Variants in SMIM5 observed in about 807,000 individuals in gnomAD.
SMIM5 encodes chromosome 17 open reading frame 109.
SMIM5 carries 4 observed loss-of-function variants against 4.0 expected under a neutral mutation model. The observed-to-expected ratio is 1.01, with a 90% confidence interval of 0.50 to 2.30. SMIM5 has a LOEUF of 2.30. SMIM5 is among the 30% of genes most tolerant of loss of function. SMIM5 has a pLI of 0.02. For synonymous variants in SMIM5, 46 were observed against 43.6 expected (o/e 1.05, Z -0.22); for missense variants, 107 against 99.2 (o/e 1.08, Z -0.34).
chr17:75,640,769 G>C lies in SMIM5; in HGVS notation c.128-22G>C. On this transcript the variant is annotated intron_variant, in intron 2 of 2. Transcript: ENST00000375215. The surrounding 1 kb of genome is among the most constrained non-coding windows in gnomAD (Gnocchi z 4.6). ...CTTTCTCTCCCCCAACCTGAGTCCC[G>C]TGCTCTCTCCCGGCCCTCCAGCTAC... The C allele has an allele frequency of 6.5e-7, 1 of 1,547,334 alleles. No homozygotes were observed. Among genetic ancestry groups the C allele is most frequent in the Non-Finnish European group, 8.7e-7 (1 of 1,144,882 alleles).
At chr17:75,639,554 C>T (rs932886686) in intron 1 of SMIM5, 1 of 152,428 alleles carries the variant, frequency 6.6e-6, no homozygotes, top group Non-Finnish European at 1.5e-5. Flanking sequence ...CTCCTGACCC[C>T]CTCCCAACAG....
At position 75,640,925 on chromosome 17, in the gene SMIM5, G is replaced by A. The variant is rs1449044720; in HGVS notation, c.*28G>A. 46 of 1,538,216 alleles carry A rather than the reference G, an allele frequency of 3.0e-5. No individual in the cohort carries two copies. The highest frequency in any genetic ancestry group is 3.9e-5 in the Admixed American group (2 of 50,952). On this transcript the variant is annotated 3_prime_UTR_variant, in exon 3 of 3. Coordinates refer to ENST00000375215, the MANE Select transcript of SMIM5 (RefSeq NM_001162995.3). This position sits in a 1 kb window ranked among gnomAD's most constrained non-coding sequence, Gnocchi z 4.6. ...GACGGGCGATGGCTGAGGAGAAGCT[G>A]GAGAGGAGATGGCCAATGCCATGAC...
intron 1 of SMIM5, chr17:75,635,724 G>T: frequency 1.1e-6 from 1 of 913,530 alleles, no homozygotes; most frequent in Non-Finnish European, 1.3e-6. Context: ...GCCCAACAGG[G>T]CAAGGGTGAC....
chr17:75,639,986 G>A, intron 1 of SMIM5, 180 bp from the exon 2 acceptor site: 1 of 597,362 alleles, frequency 1.7e-6, no homozygotes, highest in Non-Finnish European at 2.8e-6. Flanking sequence ...TCCACCCTGA[G>A]CTGTGTCAGC....
At chr17:75,638,562 C>A (rs930995816) in intron 1 of SMIM5, 25 of 152,344 alleles carry the variant, frequency 1.6e-4, no homozygotes, top group African/African-American at 6.0e-4. Flanking sequence ...ACACCGCAGA[C>A]ACCCTAGGAC....
At chr17:75,635,704 A>G in intron 1 of SMIM5, 2 of 802,782 alleles carry the variant, frequency 2.5e-6, no homozygotes, top group Non-Finnish European at 3.0e-6. Context: ...TGGACCTCAA[A>G]CGAGATAATG....
In SMIM5 at chr17:75,636,251, G is replaced by A. The variant is rs893390849; in HGVS notation, c.-37+2049G>A. On this transcript the variant is annotated intron_variant, in intron 1 of 2. Transcript: ENST00000375215. The surrounding 1 kb of genome is among the most constrained non-coding windows in gnomAD (Gnocchi z 5.4). ...GGCACTACTGAGCGTGGGGTTGGGAGGGACTCTGGTTGCCCTGGTTCGCAG... is the reference window on the plus strand; with the variant it reads ...GGCACTACTGAGCGTGGGGTTGGGAAGGACTCTGGTTGCCCTGGTTCGCAG... Among the ~76,000 whole-genome samples, 2 of 152,184 alleles carry A rather than the reference G, an allele frequency of 1.3e-5. No homozygotes were observed. The highest frequency in any genetic ancestry group is 2.9e-5 in the Non-Finnish European group (2 of 68,028).
chr17:75,639,270 C>T (rs2059386975), intron 1 of SMIM5: 1 of 152,456 alleles, frequency 6.6e-6, no homozygotes, highest in Non-Finnish European at 1.5e-5. Context: ...CCCACCACCA[C>T]CCCTGGATTA....
At chr17:75,635,262 AAG>A (rs1419849253) in intron 1 of SMIM5, among the ~76,000 whole-genome samples, 5 of 152,228 alleles carry the variant, frequency 3.3e-5, no homozygotes, top group African/African-American at 1.2e-4. Context: ...CACAGTAGGG[AAG>A]AGTCAGGCCA....
intron 1 of SMIM5, among the ~76,000 whole-genome samples, chr17:75,635,617 T>C (rs2059306642): frequency 6.6e-6 from 1 of 152,030 alleles, no homozygotes; most frequent in African/African-American, 2.4e-5. Context: ...GTGCCACAAA[T>C]AGGGGCATCC....
Position 75,640,339 on chromosome 17 carries a change from G to A in SMIM5, c.127+11G>A, listed in dbSNP as rs1220886053. 13 of 1,538,698 alleles carry A rather than the reference G, an allele frequency of 8.4e-6. No homozygotes were observed. The highest frequency in any genetic ancestry group is 1.1e-5 in the Non-Finnish European group (13 of 1,139,418). On this transcript the variant is annotated intron_variant, in intron 2 of 2. Transcript: ENST00000375215. The surrounding 1 kb of genome is among the most constrained non-coding windows in gnomAD (Gnocchi z 4.6). ...TCATCCTTTTCACAGGTTAGTTGGG[G>A]CACTCAGCACCCCATGGCTCTCCCT... is the stretch of plus-strand genomic sequence containing the variant.
At chr17:75,635,916 G>A in intron 1 of SMIM5, 1 of 960,636 alleles carries the variant, frequency 1.0e-6, no homozygotes. Context: ...GGACCAAGTG[G>A]CAGCTGTCTG....
Position 75,641,243 on chromosome 17 carries a change from A to G in SMIM5, c.*346A>G, listed in dbSNP as rs1416934736. 8.7e-6 allele frequency: 2 copies of G among 230,564 alleles called. No individual in the cohort carries two copies. The highest frequency in any genetic ancestry group is 1.8e-5 in the Non-Finnish European group (2 of 113,218). 14.3% of individuals were successfully genotyped at this position (230,564 alleles called of 1,614,324 possible). On this transcript the variant is annotated 3_prime_UTR_variant, in exon 3 of 3. Transcript: ENST00000375215. ...GGAGAACAGTCCCCACCTGTGGGCA[A>G]TTGGCCCTTGGGGCTCTGCTGATAC... is the stretch of plus-strand genomic sequence containing the variant.
At position 75,641,089 on chromosome 17, in the gene SMIM5, C is replaced by T; in HGVS notation, c.*192C>T. The T allele has an allele frequency of 9.9e-7, 1 of 1,007,260 alleles. No homozygotes were observed. The highest frequency in any genetic ancestry group is 1.4e-6 in the Non-Finnish European group (1 of 715,988). The allele number at this position is 1,007,260 out of a possible 1,614,324, so 62.4% of individuals were successfully genotyped here. A position where few individuals can be genotyped will look rare whatever the true frequency, so the allele number is the denominator to read the frequency against. On this transcript the variant is annotated 3_prime_UTR_variant, in exon 3 of 3. Transcript: ENST00000375215. The stretch of plus-strand genomic sequence containing the variant: ...AACAAGGGCTGGTATAGGTGCAAAC[C>T]TCTCATCTGCCAGTGGACACTGGGT...
At position 75,640,976 on chromosome 17, in the gene SMIM5, C is replaced by A; in HGVS notation, c.*79C>A. 1 of 1,511,208 alleles carries A rather than the reference C, an allele frequency of 6.6e-7. No individual in the cohort carries two copies. Among genetic ancestry groups the A allele is most frequent in the South Asian group, 1.2e-5 (1 of 81,842 alleles). 93.6% of individuals were successfully genotyped at this position (1,511,208 alleles called of 1,614,324 possible). A position where few individuals can be genotyped will look rare whatever the true frequency, so the allele number is the denominator to read the frequency against. On this transcript the variant is annotated 3_prime_UTR_variant, in exon 3 of 3. Transcript: ENST00000375215. This position sits in a 1 kb window ranked among gnomAD's most constrained non-coding sequence, Gnocchi z 4.6. ...ACAGGCCATCAGCCTGGCCCTGCAGCCCTTACCCCTCAAGACCAGGCTCCC... is the reference window on the plus strand; with the variant it reads ...ACAGGCCATCAGCCTGGCCCTGCAGACCTTACCCCTCAAGACCAGGCTCCC...
chr17:75,640,795 T>C lies in SMIM5; in HGVS notation c.132T>C (p.Thr44=). ...AFSVIILFTA[T]VLLLLLIACS... Reference sequence around the variant, plus strand: ...TGCTCTCTCCCGGCCCTCCAGCTACTGTTCTGCTGTTGCTGCTGATAGCCT... The same window carrying C: ...TGCTCTCTCCCGGCCCTCCAGCTACCGTTCTGCTGTTGCTGCTGATAGCCT... Residue 44 remains threonine, a synonymous_variant, in exon 3 of 3, where the codon ACT becomes ACC. Transcript: ENST00000375215. The surrounding 1 kb of genome is among the most constrained non-coding windows in gnomAD (Gnocchi z 4.6). 1.9e-6 allele frequency: 3 copies of C among 1,550,116 alleles called. No homozygotes were observed. Among genetic ancestry groups the C allele is most frequent in the Non-Finnish European group, 2.6e-6 (3 of 1,146,684 alleles).
At position 75,640,198 on chromosome 17, in the gene SMIM5, CG is replaced by C. The variant is rs1425789175; in HGVS notation, c.-2del. 6.5e-7 allele frequency: 1 copy of C among 1,545,704 alleles called. No individual in the cohort carries two copies. Among genetic ancestry groups the C allele is most frequent in the Non-Finnish European group, 8.7e-7 (1 of 1,144,898 alleles). ...CAGGAGCCCCAACAGGAAGCCAGCGCGGCATGGCTGCCACCGACTTCGTGCA... is the reference window on the plus strand; with the variant it reads ...CAGGAGCCCCAACAGGAAGCCAGCGCGCATGGCTGCCACCGACTTCGTGCA... On this transcript the variant is annotated 5_prime_UTR_variant, in exon 2 of 3. Coordinates refer to ENST00000375215, the MANE Select transcript of SMIM5 (RefSeq NM_001162995.3). This position sits in a 1 kb window ranked among gnomAD's most constrained non-coding sequence, Gnocchi z 4.6.
rs1331991170 is a variant in SMIM5, at chr17:75,640,927, AGAG to A, written c.*34_*36del. 4 of 1,537,848 alleles carry A rather than the reference AGAG, an allele frequency of 2.6e-6. No homozygotes were observed. The African/African-American group carries it at 5.5e-5, about 21-fold the overall frequency. Reference sequence around the variant, plus strand: ...CGGGCGATGGCTGAGGAGAAGCTGGAGAGGAGATGGCCAATGCCATGACACAGG... The same window carrying A: ...CGGGCGATGGCTGAGGAGAAGCTGGAGAGATGGCCAATGCCATGACACAGG... On this transcript the variant is annotated 3_prime_UTR_variant, in exon 3 of 3. Transcript: ENST00000375215. This position sits in a 1 kb window ranked among gnomAD's most constrained non-coding sequence, Gnocchi z 4.6.
In SMIM5 at chr17:75,640,865, A is replaced by G. The variant is rs749256290; in HGVS notation, c.202A>G (p.Arg68Gly). The change falls in exon 3 of 3, where the codon AGG becomes GGG. Residue 68 changes from arginine (R) to glycine (G), a missense_variant. Physicochemically the swap from Arg to Gly is moderately radical, Grantham distance 125. Transcript: ENST00000375215. This position sits in a 1 kb window ranked among gnomAD's most constrained non-coding sequence, Gnocchi z 4.6. Reference sequence around the variant, plus strand: ...CTGCTGCTGCCCTGAGCGGAGAGGCAGGAAGGTCCAGGTGCAGCCGACACC... The same window carrying G: ...CTGCTGCTGCCCTGAGCGGAGAGGCGGGAAGGTCCAGGTGCAGCCGACACC... ...THCCCPERRGRKVQVQPTPP is the reference protein window; with the variant it reads ...THCCCPERRGGKVQVQPTPP 2.4e-5 allele frequency: 37 copies of G among 1,547,646 alleles called. No homozygotes were observed. In the African/African-American group the frequency reaches 4.1e-4, roughly 17 times the overall value.
Sources: gnomAD v4.1 joint callset for allele counts (sites outside exome capture counted in the v4.1 genomes callset) on GRCh38, gnomAD v4.1.1 for gene constraint, Gnocchi (gnomAD v3.1) non-coding constraint, MANE v1.5 for transcripts, NCBI Gene and HGNC (gene_info 2026-07-23, HGNC 2026-07-21) for gene names.